The following CTNNA3 variants were observed in gnomAD, a reference collection of about 807,000 sequenced individuals.
CTNNA3 encodes the protein catenin alpha-3.
A neutral mutation model predicts 95.7 loss-of-function variants in CTNNA3; 76 were observed. That is an observed-to-expected ratio of 0.79 (90% confidence interval 0.66 to 0.96). CTNNA3 has a LOEUF of 0.96. Ranked by LOEUF, CTNNA3 falls within the 40% of genes least tolerant of loss-of-function variation. The probability of loss-of-function intolerance (pLI) is 0.00; values close to 1 mark genes in which losing one functional copy is unlikely to be tolerated. For missense variants in CTNNA3, 1,191 were observed against 1,089.8 expected (o/e 1.09, Z -1.31); for synonymous variants, 431 against 374.4 (o/e 1.15, Z -1.74).
At chr10:66,212,560 G>A (rs749752439) in intron 13 of CTNNA3, among the ~76,000 whole-genome samples, 2 of 151,772 alleles carry the variant, frequency 1.3e-5, no homozygotes, top group Non-Finnish European at 2.9e-5. Flanking sequence ...TGATGCTTTT[G>A]AAGAGGGTGC....
intron 3 of CTNNA3, among the ~76,000 whole-genome samples, chr10:67,548,433 A>G (rs1442671331): frequency 2.6e-5 from 4 of 152,202 alleles, no homozygotes; most frequent in Admixed American, 2.6e-4. Flanking sequence ...GCTCTTTCAA[A>G]GAAATTCACC....
intron 11 of CTNNA3, among the ~76,000 whole-genome samples, chr10:66,429,032 G>A (rs2093271081): frequency 6.6e-6 from 1 of 151,862 alleles, no homozygotes; most frequent in Non-Finnish European, 1.5e-5. Context: ...AGAAAAGAGA[G>A]AAGAATCAAA....
chr10:67,189,546 A>G (rs900412661), intron 6 of CTNNA3, among the ~76,000 whole-genome samples: 1 of 151,592 alleles, frequency 6.6e-6, no homozygotes, highest in Admixed American at 6.6e-5. Context: ...CATAATGTGT[A>G]TGTATTTCAA....
intron 7 of CTNNA3, among the ~76,000 whole-genome samples, chr10:67,039,107 A>G (rs1854243830): frequency 6.6e-6 from 1 of 152,058 alleles, no homozygotes; most frequent in Non-Finnish European, 1.5e-5. Flanking sequence ...GCTCTATAAT[A>G]ATACATGAAC....
At chr10:66,861,455 C>A (rs898415517) in intron 7 of CTNNA3, among the ~76,000 whole-genome samples, 1 of 152,138 alleles carries the variant, frequency 6.6e-6, no homozygotes, top group Non-Finnish European at 1.5e-5. Flanking sequence ...GTGAGCCCTG[C>A]ATGTAATGGA....
chr10:67,408,968 A>G (rs1845259753), intron 5 of CTNNA3, among the ~76,000 whole-genome samples: 1 of 151,768 alleles, frequency 6.6e-6, no homozygotes, highest in Admixed American at 6.6e-5. Flanking sequence ...CATGTGGCCA[A>G]CAAACATGTG....
chr10:65,954,082 C>G (rs1195194506), intron 17 of CTNNA3, among the ~76,000 whole-genome samples: 3 of 152,184 alleles, frequency 2.0e-5, no homozygotes, highest in Non-Finnish European at 4.4e-5. Flanking sequence ...GCCATTCTAA[C>G]TGGTGTGAGA....
intron 7 of CTNNA3, among the ~76,000 whole-genome samples, chr10:67,155,153 T>C (rs578074173): frequency 1.4e-5 from 2 of 142,446 alleles, no homozygotes; most frequent in South Asian, 4.6e-4. Context: ...GCATGTCTCT[T>C]TAGTTCATTA....
chr10:67,227,084 C>CT (rs113895568), intron 5 of CTNNA3, among the ~76,000 whole-genome samples: 100,899 of 144,264 alleles, frequency 0.7, 35,837 homozygotes, highest in African/African-American at 0.83. Context: ...GCAAAGGTAG[C>CT]TTTTTTTTTC....
chr10:66,431,887 T>TA (rs1423158038), intron 11 of CTNNA3, among the ~76,000 whole-genome samples: 1 of 152,066 alleles, frequency 6.6e-6, no homozygotes, highest in African/African-American at 2.4e-5. Context: ...CCCTAGAACT[T>TA]AAAGTATAAT....
intron 7 of CTNNA3, among the ~76,000 whole-genome samples, chr10:66,953,157 C>A (rs879643434): frequency 3.9e-5 from 6 of 152,158 alleles, no homozygotes; most frequent in Admixed American, 3.9e-4. Context: ...CCCAGTTGAG[C>A]CTCGCTGATG....
chr10:67,494,519 C>A (rs1838964397), intron 5 of CTNNA3, among the ~76,000 whole-genome samples: 1 of 152,096 alleles, frequency 6.6e-6, no homozygotes, highest in African/African-American at 2.4e-5. Context: ...TTTAAGAGCA[C>A]CTTTCTTTAC....
intron 5 of CTNNA3, among the ~76,000 whole-genome samples, chr10:67,472,038 C>T (rs1847848818): frequency 1.3e-5 from 2 of 152,124 alleles, no homozygotes; most frequent in Non-Finnish European, 2.9e-5. Flanking sequence ...AATAAGAATA[C>T]TTTCCAAAAT....
chr10:67,234,006 T>C (rs1865341706), intron 5 of CTNNA3, among the ~76,000 whole-genome samples: 2 of 152,154 alleles, frequency 1.3e-5, no homozygotes, highest in Admixed American at 1.3e-4. Flanking sequence ...GGAGCTGAAA[T>C]TGTGGCAATA....
intron 9 of CTNNA3, among the ~76,000 whole-genome samples, chr10:66,695,914 T>G: frequency 9.0e-5 from 3 of 33,312 alleles, no homozygotes; most frequent in Admixed American, 3.8e-4. Flanking sequence ...GAAAGAGACG[T>G]AAGGGGGGGG....
chr10:66,601,894 C>G (rs955917772), intron 10 of CTNNA3, among the ~76,000 whole-genome samples: 1 of 151,852 alleles, frequency 6.6e-6, no homozygotes, highest in Non-Finnish European at 1.5e-5. Context: ...CAGTCCTAAA[C>G]TTTTAGGTTC....
chr10:66,336,731 T>G (rs1452946862), intron 12 of CTNNA3, among the ~76,000 whole-genome samples: 1 of 152,110 alleles, frequency 6.6e-6, no homozygotes, highest in Non-Finnish European at 1.5e-5. Flanking sequence ...TCATTCACAC[T>G]GAATATAGTG....
intron 5 of CTNNA3, among the ~76,000 whole-genome samples, chr10:67,323,325 C>A (rs1841400743): frequency 6.6e-6 from 1 of 151,974 alleles, no homozygotes; most frequent in African/African-American, 2.4e-5. Flanking sequence ...TGACTATTTT[C>A]TCTTCAGGGT....
At position 67,701,771 on chromosome 10, in the gene CTNNA3, A is replaced by C. The variant is rs1219716556; in HGVS notation, c.-1-54257T>G. On this transcript the variant is annotated intron_variant, in intron 1 of 17. Coordinates refer to the CTNNA3 transcript ENST00000684154. Reference sequence around the variant, plus strand: ...TAATGACAGGATCAAATTCACACATAACAATATTAACTTTAAATGTAAATG... The same window carrying C: ...TAATGACAGGATCAAATTCACACATCACAATATTAACTTTAAATGTAAATG... Among the ~76,000 whole-genome samples the C allele has an allele frequency of 6.6e-5, 10 of 151,976 alleles. No individual in the cohort carries two copies. In the East Asian group the frequency reaches 1.9e-3, roughly 29 times the overall value.
Sources: gnomAD v4.1 joint callset for allele counts (sites outside exome capture counted in the v4.1 genomes callset) on GRCh38, gnomAD v4.1.1 for gene constraint, MANE v1.5 for transcripts, NCBI Gene and HGNC (gene_info 2026-07-23, HGNC 2026-07-21) for gene names.